CSMD1: variants seen among roughly 807,000 people sequenced by gnomAD.
CSMD1 encodes CUB and sushi domain-containing protein 1.
In CSMD1, 213 loss-of-function variants were observed where a neutral mutation model predicts 417.5. The observed-to-expected ratio is 0.51, with a 90% CI of 0.46 to 0.57. The LOEUF (loss-of-function observed/expected upper bound fraction) is 0.57, where lower values mean the gene tolerates loss of function less well. Among genes scored for constraint, CSMD1 ranks in the 20% least tolerant of loss-of-function variants. The pLI, the probability that CSMD1 is intolerant of heterozygous loss-of-function variation, is 0.00. For missense variants in CSMD1, 6,923 were observed against 4,529.7 expected, an observed-to-expected ratio of 1.53 and a Z score of -15.17; for synonymous variants, 2,862 against 1,736.8, an observed-to-expected ratio of 1.65 and a Z score of -16.11.
At chr8:3,152,257 G>C (rs745473143) in intron 39 of CSMD1, among the ~76,000 whole-genome samples, 8 of 152,204 alleles carry the variant, frequency 5.3e-5, no homozygotes, top group Non-Finnish European at 8.8e-5. Context: ...ACTACAAAGA[G>C]ACACAACTGA....
intron 1 of CSMD1, among the ~76,000 whole-genome samples, chr8:4,749,081 C>T (rs571076678): frequency 3.3e-5 from 5 of 152,168 alleles, no homozygotes; most frequent in Non-Finnish European, 7.3e-5. Context: ...AGCGCACGCT[C>T]GCCTGCCCAT....
Position 3,142,474 on chromosome 8 carries a change from C to A in CSMD1, c.6232G>T (p.Ala2078Ser), listed in dbSNP as rs753029477. Residue 2078 changes from alanine (A) to serine (S), a missense_variant, in exon 41 of 70, where the codon GCT (alanine) becomes TCT (serine). Ala to Ser is a moderately conservative substitution (Grantham distance 99, BLOSUM62 1). Transcript: ENST00000635120. The stretch of plus-strand genomic sequence containing the variant: ...CGTTGTTGTTCCATACCTTGGTAAG[C>A]AAGTTTAAATCCTTGCCGGTTTTGC... ...HSQNRQGFKL[A>S]YQAYELQNCP... 2.5e-6 allele frequency: 4 copies of A among 1,613,280 alleles called. No homozygotes were observed. In the East Asian group the frequency reaches 6.7e-5, roughly 27 times the overall value.
intron 26 of CSMD1, among the ~76,000 whole-genome samples, chr8:3,245,632 G>C (rs532847901): frequency 2.0e-5 from 3 of 152,126 alleles, no homozygotes; most frequent in African/African-American, 7.2e-5. Flanking sequence ...TAAATCTTCC[G>C]CAGGCACCTG....
intron 5 of CSMD1, among the ~76,000 whole-genome samples, chr8:3,802,060 T>C (rs73658282): frequency 0.019 from 2,918 of 152,224 alleles, 110 homozygotes; most frequent in African/African-American, 0.067. Context: ...AATTGCACAC[T>C]TTATGTGGAT....
chr8:4,374,310 T>C (rs1404816065), intron 3 of CSMD1, among the ~76,000 whole-genome samples: 1 of 152,312 alleles, frequency 6.6e-6, no homozygotes, highest in Non-Finnish European at 1.5e-5. Flanking sequence ...GAGTACAATA[T>C]AATTACAGTA....
At position 3,762,324 on chromosome 8, in the gene CSMD1, C is replaced by A. The variant is rs1054056457; in HGVS notation, c.819-8282G>T. Reference sequence around the variant, plus strand: ...CACCTGCCTGGTCGTTTCTGGCTCTCCTTTAAATTTCAGATCATGTGTTGC... The same window carrying A: ...CACCTGCCTGGTCGTTTCTGGCTCTACTTTAAATTTCAGATCATGTGTTGC... On this transcript the variant is annotated intron_variant, in intron 5 of 69. Coordinates refer to ENST00000635120, the MANE Select transcript of CSMD1 (RefSeq NM_033225.6). Among the ~76,000 whole-genome samples the A allele has an allele frequency of 2.0e-5, 3 of 152,282 alleles. No individual in the cohort carries two copies. In the East Asian group the frequency reaches 5.8e-4, roughly 30 times the overall value.
At chr8:3,847,764 C>G (rs996279586) in intron 5 of CSMD1, among the ~76,000 whole-genome samples, 1 of 152,096 alleles carries the variant, frequency 6.6e-6, no homozygotes, top group Non-Finnish European at 1.5e-5. Flanking sequence ...CCATATGTTC[C>G]TTTTTATCAT....
chr8:4,951,503 A>G lies in CSMD1; in HGVS notation c.85+42829T>C, dbSNP rs927819104. Among the ~76,000 whole-genome samples the G allele has an allele frequency of 7.2e-5, 11 of 151,856 alleles. 1 individual carries two copies. Among genetic ancestry groups the G allele is most frequent in the East Asian group, 1.9e-4 (1 of 5,162 alleles). ...AAAAGGAAACAGAACAGGGAAAGGG[A>G]AAGAGGAAGGATGGGAGGGGAGAAA... On this transcript the variant is annotated intron_variant, in intron 1 of 69. Coordinates refer to ENST00000635120, the MANE Select transcript of CSMD1 (RefSeq NM_033225.6).
At chr8:4,592,535 G>A (rs894323908) in intron 2 of CSMD1, among the ~76,000 whole-genome samples, 2 of 151,650 alleles carry the variant, frequency 1.3e-5, no homozygotes, top group African/African-American at 2.4e-5. Context: ...TACAGGGGCC[G>A]GCCACCACGC....
At chr8:4,065,129 G>T (rs1365274) in intron 3 of CSMD1, among the ~76,000 whole-genome samples, 1 of 151,976 alleles carries the variant, frequency 6.6e-6, no homozygotes, top group Non-Finnish European at 1.5e-5. Context: ...TATGTTTTTA[G>T]AGTTTTTTAA....
intron 5 of CSMD1, among the ~76,000 whole-genome samples, chr8:3,836,161 T>C (rs775850242): frequency 2.0e-5 from 3 of 152,196 alleles, no homozygotes; most frequent in South Asian, 2.1e-4. Flanking sequence ...ACTATATTCA[T>C]TGTCTCAGTT....
chr8:3,430,379 G>A (rs1241325606), intron 12 of CSMD1, among the ~76,000 whole-genome samples: 1 of 152,054 alleles, frequency 6.6e-6, no homozygotes. Flanking sequence ...CCATGAGAGT[G>A]GAAGCTGTAT....
At chr8:3,985,305 T>C (rs565701265) in intron 5 of CSMD1, among the ~76,000 whole-genome samples, 1 of 152,322 alleles carries the variant, frequency 6.6e-6, no homozygotes, top group South Asian at 2.1e-4. Flanking sequence ...TAATAAATTA[T>C]TTTTAAAGCA....
chr8:3,296,885 G>A (rs1429043452), intron 25 of CSMD1, among the ~76,000 whole-genome samples: 1 of 152,176 alleles, frequency 6.6e-6, no homozygotes, highest in Middle Eastern at 3.2e-3. Context: ...GACATAGATG[G>A]AGGGGTATGT....
At chr8:4,406,568 C>T (rs1805036035) in intron 3 of CSMD1, among the ~76,000 whole-genome samples, 1 of 152,074 alleles carries the variant, frequency 6.6e-6, no homozygotes, top group Non-Finnish European at 1.5e-5. Context: ...CTTCTGTAGG[C>T]ATATGAGCTT....
intron 7 of CSMD1, 43 bp downstream of exon 7, chr8:3,708,371 A>C (rs368005806): frequency 6.2e-4 from 959 of 1,538,102 alleles, no homozygotes; most frequent in Non-Finnish European, 8.2e-4. Context: ...TCCTCTGCTT[A>C]CAAGGGCGTA....
At chr8:4,190,618 G>A (rs867482329) in intron 3 of CSMD1, among the ~76,000 whole-genome samples, 2 of 151,572 alleles carry the variant, frequency 1.3e-5, no homozygotes, top group African/African-American at 2.4e-5. Context: ...GAAGCTCAAA[G>A]GGGTTAAAGA....
intron 7 of CSMD1, among the ~76,000 whole-genome samples, chr8:3,628,792 T>C (rs1048546664): frequency 6.6e-6 from 1 of 152,146 alleles, no homozygotes; most frequent in Admixed American, 6.6e-5. Context: ...GGCTTCCTAG[T>C]TTTGGCACAC....
At chr8:4,460,003 A>C (rs1262402898) in intron 2 of CSMD1, among the ~76,000 whole-genome samples, 2 of 152,208 alleles carry the variant, frequency 1.3e-5, no homozygotes, top group African/African-American at 4.8e-5. Flanking sequence ...CCAAAATAGT[A>C]CTATAAACCA....
Sources: gnomAD v4.1 joint callset for allele counts (sites outside exome capture counted in the v4.1 genomes callset) on GRCh38, gnomAD v4.1.1 for gene constraint, MANE v1.5 for transcripts, NCBI Gene and HGNC (gene_info 2026-07-23, HGNC 2026-07-21) for gene names.